ANO4: variants seen among roughly 807,000 people sequenced by gnomAD.
ANO4 encodes the protein anoctamin-4.
In ANO4, 69 loss-of-function variants were observed where a neutral mutation model predicts 141.9. That is an observed-to-expected ratio of 0.49 (90% CI 0.40 to 0.59). The LOEUF (loss-of-function observed/expected upper bound fraction) is 0.59. ANO4 is among the 20% of genes least tolerant of loss of function. ANO4 has a pLI of 0.00. For missense variants in ANO4, 894 were observed against 1,162.2 expected, an observed-to-expected ratio of 0.77 and a Z score of 3.36; for synonymous variants, 350 against 394.3, an observed-to-expected ratio of 0.89 and a Z score of 1.33.
chr12:101,068,833 C>T, intron 14 of ANO4: 1 of 1,049,092 alleles, frequency 9.5e-7, no homozygotes, highest in Non-Finnish European at 1.5e-6. Context: ...GGTTGCTGAG[C>T]TATTTGAAAA....
chr12:101,087,929 C>G (rs778656340), intron 17 of ANO4, among the ~76,000 whole-genome samples: 5 of 152,192 alleles, frequency 3.3e-5, no homozygotes, highest in Non-Finnish European at 7.4e-5. Context: ...CAGCAGCTTC[C>G]TAACTGGTCT....
intron 14 of ANO4, among the ~76,000 whole-genome samples, chr12:101,055,916 C>A (rs887648699): frequency 2.6e-5 from 4 of 152,032 alleles, no homozygotes; most frequent in African/African-American, 9.7e-5. Context: ...TTGTCAAAAA[C>A]GCCGTTCTTT....
chr12:101,044,529 C>T (rs2047547418), intron 13 of ANO4, among the ~76,000 whole-genome samples: 1 of 152,176 alleles, frequency 6.6e-6, no homozygotes, highest in African/African-American at 2.4e-5. Flanking sequence ...TGCCCAGATT[C>T]AGATATAAAT....
intron 24 of ANO4, among the ~76,000 whole-genome samples, chr12:101,116,345 G>A (rs2050849566): frequency 6.6e-6 from 1 of 152,262 alleles, no homozygotes; most frequent in African/African-American, 2.4e-5. Context: ...CTGTGTTTAT[G>A]TGTATCATCA....
At chr12:100,721,124 C>G (rs2030843970) in intron 1 of ANO4, among the ~76,000 whole-genome samples, 2 of 152,242 alleles carry the variant, frequency 1.3e-5, no homozygotes, top group South Asian at 4.1e-4. Context: ...GCCAGACTAT[C>G]TGTATGCTCT....
chr12:100,826,450 G>A (rs1456042316), intron 1 of ANO4, among the ~76,000 whole-genome samples: 2 of 151,958 alleles, frequency 1.3e-5, no homozygotes, highest in East Asian at 3.9e-4. Flanking sequence ...TTCACTAACC[G>A]TATTCATGGA....
At chr12:100,771,214 C>A (rs2033283233) in intron 3 of ANO4, among the ~76,000 whole-genome samples, 1 of 151,170 alleles carries the variant, frequency 6.6e-6, no homozygotes, top group Admixed American at 6.6e-5. Context: ...GGGGCCATGG[C>A]AGACCTGTTC....
chr12:101,100,480 T>C (rs1179820964), intron 22 of ANO4, among the ~76,000 whole-genome samples: 8 of 152,154 alleles, frequency 5.3e-5, no homozygotes, highest in Non-Finnish European at 1.2e-4. Context: ...GAGTTTCAAT[T>C]ATAGAATGGA....
chr12:101,080,017 C>T (rs1290293658), intron 15 of ANO4, among the ~76,000 whole-genome samples: 1 of 152,240 alleles, frequency 6.6e-6, no homozygotes, highest in Non-Finnish European at 1.5e-5. Flanking sequence ...CAGCCCCACT[C>T]TCCTCCCTCT....
chr12:100,866,451 C>T (rs2038757787), intron 1 of ANO4, among the ~76,000 whole-genome samples: 1 of 152,176 alleles, frequency 6.6e-6, no homozygotes. Context: ...TGCAGAATCT[C>T]AGTGCCACCC....
intron 1 of ANO4, among the ~76,000 whole-genome samples, chr12:100,865,748 G>C (rs2038722127): frequency 6.6e-6 from 1 of 152,284 alleles, no homozygotes; most frequent in East Asian, 1.9e-4. Flanking sequence ...AATTCAAGAA[G>C]AGTATAATAA....
chr12:100,963,773 G>A (rs2043529024), intron 5 of ANO4, among the ~76,000 whole-genome samples: 1 of 152,084 alleles, frequency 6.6e-6, no homozygotes, highest in East Asian at 1.9e-4. Context: ...CTCGAGGAAT[G>A]TACACTTATC....
chr12:100,753,562 G>A (rs1379885222), intron 3 of ANO4, among the ~76,000 whole-genome samples: 1 of 152,104 alleles, frequency 6.6e-6, no homozygotes, highest in Non-Finnish European at 1.5e-5. Context: ...GCAGACACTT[G>A]CAGGCAGCCT....
chr12:100,814,535 A>G (rs1006688973), intron 1 of ANO4, among the ~76,000 whole-genome samples: 1 of 152,156 alleles, frequency 6.6e-6, no homozygotes, highest in Non-Finnish European at 1.5e-5. Flanking sequence ...TTTTTAAAAA[A>G]CCACTCTGAT....
chr12:101,037,823 A>G (rs1352230102), intron 10 of ANO4, among the ~76,000 whole-genome samples: 1 of 152,194 alleles, frequency 6.6e-6, no homozygotes, highest in Non-Finnish European at 1.5e-5. Flanking sequence ...TACTGTGGTC[A>G]CTATATGGCA....
chr12:101,050,243 G>GT (rs1363332476), intron 14 of ANO4, among the ~76,000 whole-genome samples: 1 of 152,190 alleles, frequency 6.6e-6, no homozygotes, highest in African/African-American at 2.4e-5. Flanking sequence ...TACTAGTGGA[G>GT]TGTCAGGATG....
chr12:101,110,215 C>T (rs1415262476), intron 22 of ANO4, among the ~76,000 whole-genome samples, 189 bp from the exon 23 acceptor site: 4 of 152,048 alleles, frequency 2.6e-5, no homozygotes, highest in African/African-American at 2.4e-5. Flanking sequence ...CCCAGGATTC[C>T]GTTGCTTCCA....
At chr12:100,749,947 CTGAA>C (rs2032297478) in intron 3 of ANO4, among the ~76,000 whole-genome samples, 1 of 152,072 alleles carries the variant, frequency 6.6e-6, no homozygotes, top group Non-Finnish European at 1.5e-5. Flanking sequence ...TGATATATGA[CTGAA>C]TGGATGTCCC....
chr12:100,782,204 A>G (rs2135583444), intron 3 of ANO4, among the ~76,000 whole-genome samples: 1 of 152,294 alleles, frequency 6.6e-6, no homozygotes, highest in East Asian at 1.9e-4. Context: ...TGCATCTCAC[A>G]TCTTTCCGAT....
Sources: gnomAD v4.1 joint callset for allele counts (sites outside exome capture counted in the v4.1 genomes callset) on GRCh38, gnomAD v4.1.1 for gene constraint, MANE v1.5 for transcripts, NCBI Gene and HGNC (gene_info 2026-07-23, HGNC 2026-07-21) for gene names.